Variants in PIK3CG observed in about 807,000 individuals in gnomAD.
PIK3CG encodes the protein phosphatidylinositol 4,5-bisphosphate 3-kinase catalytic subunit gamma isoform.
Under a neutral mutation model 102.3 loss-of-function variants are expected in PIK3CG, and 55 were observed. The ratio of observed to expected loss-of-function variants is 0.54; its 90% CI spans 0.43 to 0.67. PIK3CG has a LOEUF of 0.67. PIK3CG is among the 30% of genes least tolerant of loss of function. PIK3CG has a pLI of 0.00. For synonymous variants in PIK3CG, 552 were observed against 540.0 expected, an observed-to-expected ratio of 1.02 and a Z score of -0.31; for missense variants, 1,258 against 1,391.8, an observed-to-expected ratio of 0.90 and a Z score of 1.53.
rs144096589 is a variant in PIK3CG at position 106,874,739 on chromosome 7, A to G, written c.2327A>G (p.Asn776Ser). 39 of 1,614,026 alleles carry G rather than the reference A, an allele frequency of 2.4e-5. No individual in the cohort carries two copies. In the African/African-American group the frequency reaches 4.5e-4, roughly 19 times the overall value. ...AAACAAAAGCTTGAAAACCTGCAGA[A>G]TTCTCAACTCCCCGAAAGCTTTAGA... ...QLKQKLENLQ[N>S]SQLPESFRVP... The change falls in exon 5 of 11, where the codon AAT becomes AGT. Residue 776 changes from asparagine (N) to serine (S), a missense_variant. Physicochemically the swap from Asn to Ser is conservative, Grantham distance 46. This residue lies in a region of PIK3CG where 426 missense variants were observed against 604.2 expected (regional missense o/e 0.71). Coordinates refer to ENST00000496166, the MANE Select transcript of PIK3CG (RefSeq NM_001282426.2). This position sits in a 1 kb window ranked among gnomAD's most constrained non-coding sequence, Gnocchi z 4.3.
chr7:106,907,725 C>A lies in PIK3CG; in HGVS notation c.*2338C>A. ...GAACCAGTTCTTTCATTTCATTATG[C>A]TAATATATATATATAACATATATAT... On this transcript the variant is annotated 3_prime_UTR_variant, in exon 11 of 11. Coordinates refer to ENST00000496166, the MANE Select transcript of PIK3CG (RefSeq NM_001282426.2). Among the ~76,000 whole-genome samples, 1 of 109,154 alleles carries A rather than the reference C, an allele frequency of 9.2e-6. No individual in the cohort carries two copies. 71.6% of individuals were successfully genotyped at this position (109,154 alleles called of 152,430 possible). A position where few individuals can be genotyped will look rare whatever the true frequency, so the allele number is the denominator to read the frequency against.
At position 106,905,477 on chromosome 7, in the gene PIK3CG, A is replaced by C. The variant is rs2116621033; in HGVS notation, c.*90A>C. 8.2e-7 allele frequency: 1 copy of C among 1,215,484 alleles called. No homozygotes were observed. The highest frequency in any genetic ancestry group is 1.2e-6 in the Non-Finnish European group (1 of 862,006). The allele number at this position is 1,215,484 out of a possible 1,614,324, so 75.3% of individuals were successfully genotyped here. A position where few individuals can be genotyped will look rare whatever the true frequency, so the allele number is the denominator to read the frequency against. On this transcript the variant is annotated 3_prime_UTR_variant, in exon 11 of 11. Coordinates refer to ENST00000496166, the MANE Select transcript of PIK3CG (RefSeq NM_001282426.2). This position sits in a 1 kb window ranked among gnomAD's most constrained non-coding sequence, Gnocchi z 5.6. ...AACTTGGATTTCAAATGCAATAGAC[A>C]TTGTGAAAGCTGGCATTTCAGAAGT...
rs952353404 is a variant in PIK3CG, at chr7:106,891,562, G to A, written c.3030+5270G>A. Among the ~76,000 whole-genome samples, 1 of 152,060 alleles carries A rather than the reference G, an allele frequency of 6.6e-6. No homozygotes were observed. Among genetic ancestry groups the A allele is most frequent in the South Asian group, 2.1e-4 (1 of 4,824 alleles). ...ATTCAATACAGGACAGTGGATAAAG[G>A]GCAGGAACAACTCGTTCTTTTATAA... is the stretch of plus-strand genomic sequence containing the variant. On this transcript the variant is annotated intron_variant, in intron 10 of 10. Coordinates refer to ENST00000496166, the MANE Select transcript of PIK3CG (RefSeq NM_001282426.2). This position sits in a 1 kb window ranked among gnomAD's most constrained non-coding sequence, Gnocchi z 4.4.
rs1156480455 is a variant in PIK3CG at position 106,868,332 on chromosome 7, T to C, written c.771T>C (p.Ser257=). The change falls in exon 2 of 11, where the codon TCT becomes TCC. Residue 257 remains serine, a synonymous_variant. Transcript: ENST00000496166. This position sits in a 1 kb window ranked among gnomAD's most constrained non-coding sequence, Gnocchi z 6.2. ...SFFTKMAKKK[S]LMDIPESQSE... ...TCACCAAGATGGCCAAGAAGAAATC[T>C]CTGATGGATATTCCCGAAAGCCAAA... The C allele has an allele frequency of 6.2e-7, 1 of 1,614,138 alleles. No homozygotes were observed. Among genetic ancestry groups the C allele is most frequent in the South Asian group, 1.1e-5 (1 of 91,088 alleles).
rs912408339 is a variant in PIK3CG, at chr7:106,894,590, C to T, written c.3030+8298C>T. On this transcript the variant is annotated intron_variant, in intron 10 of 10. Transcript: ENST00000496166. This position sits in a 1 kb window ranked among gnomAD's most constrained non-coding sequence, Gnocchi z 4.4. ...AAAATAATTCCTAAAGACTGGCTAG[C>T]CAATGCATTGATTTTTATTAAAAAA... 1.3e-5 allele frequency among the ~76,000 whole-genome samples: 2 copies of T among 152,106 alleles called. No individual in the cohort carries two copies. Among genetic ancestry groups the T allele is most frequent in the African/African-American group, 4.8e-5 (2 of 41,424 alleles).
rs2116489950 is a variant in PIK3CG at position 106,872,919 on chromosome 7, G to A, written c.2268G>A (p.Lys756=). The A allele has an allele frequency of 1.2e-6, 2 of 1,613,390 alleles. No individual in the cohort carries two copies. Among genetic ancestry groups the A allele is most frequent in the Non-Finnish European group, 1.7e-6 (2 of 1,179,314 alleles). Residue 756 remains lysine (K), a synonymous_variant, in exon 4 of 11, where the codon AAG becomes AAA. Transcript: ENST00000496166. The surrounding 1 kb of genome is among the most constrained non-coding windows in gnomAD (Gnocchi z 5.3). ...ATATTAAATCGCTCTCTGCTGAAAA[G>A]TATGACGTCAGTTCCCAAGGTACGG... ...TLDIKSLSAE[K]YDVSSQVISQ...
intron 7 of PIK3CG, 112 bp from the exon 8 acceptor site, chr7:106,882,917 CAAAA>C (rs552794683): frequency 4.7e-3 from 1,924 of 411,448 alleles, no homozygotes; most frequent in Middle Eastern, 7.2e-3. Context: ...GCTCTCTGGT[CAAAA>C]AAAAAAAAAA....
chr7:106,904,788 T>G (rs1272614300), intron 10 of PIK3CG, among the ~76,000 whole-genome samples: 1 of 152,230 alleles, frequency 6.6e-6, no homozygotes, highest in Non-Finnish European at 1.5e-5. Flanking sequence ...GACTCATTGC[T>G]CTTCAGAAAT....
intron 5 of PIK3CG, among the ~76,000 whole-genome samples, chr7:106,876,681 G>A (rs1182731894): frequency 6.6e-6 from 1 of 151,818 alleles, no homozygotes; most frequent in Non-Finnish European, 1.5e-5. Flanking sequence ...GATTACAGGT[G>A]TGAGCCACCG....
In PIK3CG at chr7:106,868,706, T is replaced by G. The variant is rs1790416215; in HGVS notation, c.1145T>G (p.Phe382Cys). ...VLPRNTDLTV[F>C]VEANIQHGQQ... ...CCTCGGAACACCGACCTCACAGTTT[T>G]TGTAGAGGCAAACATCCAGCATGGG... is the stretch of plus-strand genomic sequence containing the variant. Residue 382 changes from phenylalanine to cysteine, a missense_variant, in exon 2 of 11, where the codon TTT (phenylalanine) becomes TGT (cysteine). Transcript: ENST00000496166. The surrounding 1 kb of genome is among the most constrained non-coding windows in gnomAD (Gnocchi z 6.2). 1.2e-6 allele frequency: 2 copies of G among 1,614,124 alleles called. No homozygotes were observed.
chr7:106,881,714 A>G (rs1584332371), intron 6 of PIK3CG, among the ~76,000 whole-genome samples: 1 of 152,050 alleles, frequency 6.6e-6, no homozygotes, highest in East Asian at 1.9e-4. Flanking sequence ...GCCGGGCATC[A>G]TGATGCGCGC....
intron 9 of PIK3CG, among the ~76,000 whole-genome samples, chr7:106,885,297 G>A (rs546941617): frequency 6.6e-5 from 10 of 152,290 alleles, no homozygotes; most frequent in South Asian, 2.1e-4. Flanking sequence ...AGAAGCTGGC[G>A]AAGGTGGGAG....
chr7:106,880,570 A>G lies in PIK3CG; in HGVS notation c.2538+905A>G, dbSNP rs1374294010. On this transcript the variant is annotated intron_variant, in intron 6 of 10. Coordinates refer to ENST00000496166, the MANE Select transcript of PIK3CG (RefSeq NM_001282426.2). This position sits in a 1 kb window ranked among gnomAD's most constrained non-coding sequence, Gnocchi z 4.2. Reference sequence around the variant, plus strand: ...TAAATTTCAAATAAATCTGTAGAATATTTTGAATTGTTTGAAGATGGACAC... The same window carrying G: ...TAAATTTCAAATAAATCTGTAGAATGTTTTGAATTGTTTGAAGATGGACAC... Among the ~76,000 whole-genome samples the G allele has an allele frequency of 6.6e-6, 1 of 152,218 alleles. No homozygotes were observed. Among genetic ancestry groups the G allele is most frequent in the Non-Finnish European group, 1.5e-5 (1 of 68,040 alleles).
intron 9 of PIK3CG, among the ~76,000 whole-genome samples, chr7:106,885,391 G>A (rs1477239870): frequency 6.6e-6 from 1 of 152,120 alleles, no homozygotes; most frequent in Non-Finnish European, 1.5e-5. Context: ...CTCCACTTTA[G>A]TGGTTCACTG....
chr7:106,882,505 T>C (rs1186485834), intron 7 of PIK3CG: 2 of 226,194 alleles, frequency 8.8e-6, no homozygotes, highest in Non-Finnish European at 1.7e-5. Context: ...CATTAAACTT[T>C]TCTCTCACAA....
rs748528324 is a variant in PIK3CG at position 106,868,077 on chromosome 7, G to A, written c.516G>A (p.Glu172=). The A allele has an allele frequency of 5.6e-6, 9 of 1,612,992 alleles. No individual in the cohort carries two copies. The East Asian group carries it at 2.0e-4, about 36-fold the overall frequency. ...ACGTCAGCAACGTGCACGACGATGA[G>A]CTGGAGTTCACGCGCCGTGGCTTGG... ...VTDVSNVHDD[E]LEFTRRGLVT... Residue 172 remains glutamate (E), a synonymous_variant, in exon 2 of 11, where the codon GAG becomes GAA. Coordinates refer to ENST00000496166, the MANE Select transcript of PIK3CG (RefSeq NM_001282426.2). This position sits in a 1 kb window ranked among gnomAD's most constrained non-coding sequence, Gnocchi z 6.2.
At chr7:106,888,967 C>T (rs1791197496) in intron 10 of PIK3CG, among the ~76,000 whole-genome samples, 2 of 152,230 alleles carry the variant, frequency 1.3e-5, no homozygotes, top group Admixed American at 6.5e-5. Context: ...ATTCAGAATG[C>T]TTAGCCCAGT....
rs1339698935 is a variant in PIK3CG at position 106,867,638 on chromosome 7, G to A, written c.77G>A (p.Arg26His). 8 of 1,612,918 alleles carry A rather than the reference G, an allele frequency of 5.0e-6. No homozygotes were observed. The African/African-American group carries it at 8.0e-5, about 16-fold the overall frequency. Residue 26 changes from arginine (R) to histidine (H), a missense_variant, in exon 2 of 11, where the codon CGC becomes CAC. Physicochemically the swap from Arg to His is conservative, Grantham distance 29. This residue lies in a region of PIK3CG where 832 missense variants were observed against 787.5 expected (regional missense o/e 1.06). Coordinates refer to ENST00000496166, the MANE Select transcript of PIK3CG (RefSeq NM_001282426.2). The surrounding 1 kb of genome is among the most constrained non-coding windows in gnomAD (Gnocchi z 5.1). ...NCRRRRRMKP[R>H]SAAASLSSME... ...CGAAGGCGCCGGAGGATGAAGCCGC[G>A]CAGTGCTGCGGCCAGCCTGTCCTCC... is the stretch of plus-strand genomic sequence containing the variant.
rs1391474003 is a variant in PIK3CG at position 106,880,558 on chromosome 7, A to C, written c.2538+893A>C. On this transcript the variant is annotated intron_variant, in intron 6 of 10. Transcript: ENST00000496166. This position sits in a 1 kb window ranked among gnomAD's most constrained non-coding sequence, Gnocchi z 4.2. ...TTGCAAGTTTATTAAATTTCAAATA[A>C]ATCTGTAGAATATTTTGAATTGTTT... Among the ~76,000 whole-genome samples the C allele has an allele frequency of 2.0e-5, 3 of 152,234 alleles. No individual in the cohort carries two copies. The highest frequency in any genetic ancestry group is 2.9e-5 in the Non-Finnish European group (2 of 68,040).
Sources: gnomAD v4.1 joint callset for allele counts (sites outside exome capture counted in the v4.1 genomes callset) on GRCh38, gnomAD v4.1.1 for gene constraint, gnomAD v4.1.1 regional missense constraint, Gnocchi (gnomAD v3.1) non-coding constraint, MANE v1.5 for transcripts, NCBI Gene and HGNC (gene_info 2026-07-23, HGNC 2026-07-21) for gene names.